Variants in CYREN observed in about 807,000 individuals in gnomAD.
The protein encoded by CYREN is cell cycle regulator of non-homologous end joining.
A neutral mutation model predicts 9.7 loss-of-function variants in CYREN; 7 were observed. The ratio of observed to expected loss-of-function variants is 0.72; its 90% CI spans 0.41 to 1.36. The LOEUF is 1.36. CYREN is among the 40% of genes most tolerant of loss of function. The pLI, the probability that CYREN is intolerant of heterozygous loss-of-function variation, is 0.01. For synonymous variants in CYREN, 76 were observed against 77.9 expected, an observed-to-expected ratio of 0.98 and a Z score of 0.13; for missense variants, 215 against 198.1, an observed-to-expected ratio of 1.09 and a Z score of -0.51.
intron 2 of CYREN, among the ~76,000 whole-genome samples, chr7:135,111,351 G>C (rs1825616812): frequency 6.6e-6 from 1 of 152,040 alleles, no homozygotes; most frequent in African/African-American, 2.4e-5. Flanking sequence ...TCAACCTACT[G>C]CTTGAGAATG....
intron 2 of CYREN, among the ~76,000 whole-genome samples, chr7:135,143,524 A>G (rs1829489698): frequency 1.3e-5 from 2 of 152,246 alleles, no homozygotes; most frequent in Admixed American, 1.3e-4. Flanking sequence ...AATCTGGAAG[A>G]TAACACAGGA....
chr7:135,169,750 G>A (rs112243465), intron 1 of CYREN, among the ~76,000 whole-genome samples: 27 of 152,158 alleles, frequency 1.8e-4, no homozygotes, highest in Non-Finnish European at 3.4e-4. Flanking sequence ...GACTCAGAGG[G>A]CCTAGGTCTC....
intron 2 of CYREN, among the ~76,000 whole-genome samples, chr7:135,139,358 A>G (rs915808612): frequency 1.3e-5 from 2 of 150,896 alleles, no homozygotes; most frequent in Non-Finnish European, 3.0e-5. Context: ...ATTTTTTCAT[A>G]TGCTTGTTGG....
chr7:135,147,795 G>A (rs1240894258), intron 2 of CYREN: 1 of 456,236 alleles, frequency 2.2e-6, no homozygotes. Flanking sequence ...AAAATTCCGG[G>A]TTGTGTTTAT....
chr7:135,146,034 C>T (rs561490716), intron 2 of CYREN, among the ~76,000 whole-genome samples: 1 of 152,332 alleles, frequency 6.6e-6, no homozygotes, highest in East Asian at 1.9e-4. Context: ...TTCACAATGC[C>T]TTCCTCACTA....
intron 2 of CYREN, among the ~76,000 whole-genome samples, chr7:135,118,211 A>C (rs1271798858): frequency 1.3e-5 from 2 of 152,158 alleles, no homozygotes; most frequent in Non-Finnish European, 2.9e-5. Context: ...TTGTAACCAA[A>C]GAGGTCTTAG....
intron 2 of CYREN, chr7:135,115,302 T>C: frequency 1.1e-6 from 1 of 928,950 alleles, no homozygotes; most frequent in Non-Finnish European, 1.6e-6. Context: ...GATAAAATCC[T>C]TGGCATATAA....
chr7:135,152,337 G>A lies in CYREN; in HGVS notation n.356+16412C>T, dbSNP rs149903539. Among the ~76,000 whole-genome samples the A allele has an allele frequency of 4.8e-3, 733 of 152,336 alleles. 7 individuals carry two copies. The highest frequency in any genetic ancestry group is 6.6e-3 in the Non-Finnish European group (448 of 68,028). ...AATAACATCCACACAAGGGTGTTGT[G>A]AAGATTAAATGAGTTAATGCACGTA... On this transcript the variant is annotated intron_variant and non_coding_transcript_variant, in intron 2 of 2. Transcript: ENST00000459937.
intron 2 of CYREN, among the ~76,000 whole-genome samples, chr7:135,153,712 T>C (rs935559305): frequency 2.0e-5 from 3 of 152,192 alleles, no homozygotes; most frequent in Non-Finnish European, 1.5e-5. Flanking sequence ...TAGTGTATTA[T>C]CTTTTTGATG....
chr7:135,118,596 T>C (rs563526118), intron 2 of CYREN, among the ~76,000 whole-genome samples: 1 of 152,278 alleles, frequency 6.6e-6, no homozygotes, highest in South Asian at 2.1e-4. Flanking sequence ...TAACATAATA[T>C]GAAAGTGTCT....
At chr7:135,103,962 CATATAGGTAAACTT>C (rs1824257674) in intron 2 of CYREN, among the ~76,000 whole-genome samples, 1 of 151,846 alleles carries the variant, frequency 6.6e-6, no homozygotes, top group African/African-American at 2.4e-5. Context: ...GCAGGTACCC[CATATAGGTAAACTT>C]ATATAGGTAA....
chr7:135,122,224 G>A (rs1827237477), intron 2 of CYREN, among the ~76,000 whole-genome samples: 1 of 152,178 alleles, frequency 6.6e-6, no homozygotes, highest in South Asian at 2.1e-4. Flanking sequence ...GAACAGCTTG[G>A]TTCCAAGACA....
At chr7:135,126,435 A>G (rs1827879745) in intron 2 of CYREN, among the ~76,000 whole-genome samples, 2 of 152,254 alleles carry the variant, frequency 1.3e-5, no homozygotes, top group Non-Finnish European at 2.9e-5. Context: ...GATAGGAAGA[A>G]TCAATATCAT....
chr7:135,170,740 G>GGGTCCCGCGGGCTCCC (rs1830608864), upstream of CYREN: 1 of 152,144 alleles, frequency 6.6e-6, no homozygotes, highest in Non-Finnish European at 1.5e-5. Context: ...CGCGCGCTCC[G>GGGTCCCGCGGGCTCCC]GGGTCCCGCG....
downstream of CYREN, among the ~76,000 whole-genome samples, chr7:135,161,404 G>T (rs567627737): frequency 3.3e-5 from 5 of 152,138 alleles, no homozygotes; most frequent in Non-Finnish European, 5.9e-5. This position sits in a 1 kb window ranked among gnomAD's most constrained non-coding sequence, Gnocchi z 4.1. Flanking sequence ...TTAAACAAAG[G>T]CATCCCCAAG....
chr7:135,108,197 C>A (rs906740002), intron 2 of CYREN, among the ~76,000 whole-genome samples: 1 of 151,998 alleles, frequency 6.6e-6, no homozygotes, highest in African/African-American at 2.4e-5. Context: ...TAAATGGGGG[C>A]ATTTAGCCCA....
At chr7:135,128,878 T>C in intron 2 of CYREN, 2 of 1,349,980 alleles carry the variant, frequency 1.5e-6, no homozygotes, top group Non-Finnish European at 2.1e-6. Context: ...ATCTTGGACT[T>C]TGATCAAGCT....
intron 2 of CYREN, among the ~76,000 whole-genome samples, chr7:135,105,199 C>T (rs553240883): frequency 1.3e-5 from 2 of 151,464 alleles, no homozygotes; most frequent in East Asian, 3.9e-4. Context: ...CCTCCCCAGT[C>T]GCTGGGATTA....
chr7:135,167,552 G>A, intron 3 of CYREN, 180 bp downstream of exon 3: 3 of 1,434,274 alleles, frequency 2.1e-6, no homozygotes, highest in Non-Finnish European at 1.8e-6. Flanking sequence ...CACCCCACGA[G>A]CGCACACCCA....
Sources: gnomAD v4.1 joint callset for allele counts (sites outside exome capture counted in the v4.1 genomes callset) on GRCh38, gnomAD v4.1.1 for gene constraint, Gnocchi (gnomAD v3.1) non-coding constraint, MANE v1.5 for transcripts, NCBI Gene and HGNC (gene_info 2026-07-23, HGNC 2026-07-21) for gene names.